The following CBLB variants were observed in gnomAD, a reference collection of about 807,000 sequenced individuals.
CBLB encodes Cbl proto-oncogene B.
CBLB carries 31 observed loss-of-function variants against 104.9 expected under a neutral mutation model. The ratio of observed to expected loss-of-function variants is 0.30; its 90% CI spans 0.22 to 0.40. CBLB has a LOEUF of 0.40. Ranked by LOEUF, CBLB falls within the 10% of genes least tolerant of loss-of-function variation. CBLB has a pLI of 1.00. For missense variants in CBLB, 1,062 were observed against 1,214.6 expected (o/e 0.87, Z 1.87); for synonymous variants, 440 against 422.6 (o/e 1.04, Z -0.51).
At chr3:105,856,214 G>A (rs1254620368) in intron 2 of CBLB, among the ~76,000 whole-genome samples, 4 of 152,010 alleles carry the variant, frequency 2.6e-5, no homozygotes, top group African/African-American at 7.2e-5. Context: ...GCTGGGTGTG[G>A]TGGCAGGTGC....
At position 105,656,478 on chromosome 3, in the gene CBLB, T is replaced by C. The variant is rs2063358551; in HGVS notation, c.*2492A>G. ...TTCTTGACAGTGTTTAATAGAAAGT[T>C]TTCCTCTTTTCATTCCATTACGTAT... On this transcript the variant is annotated 3_prime_UTR_variant, in exon 19 of 19. Coordinates refer to ENST00000394030, the MANE Select transcript of CBLB (RefSeq NM_170662.5). 1 of 191,548 alleles carries C rather than the reference T, an allele frequency of 5.2e-6. No homozygotes were observed. Among genetic ancestry groups the C allele is most frequent in the African/African-American group, 2.3e-5 (1 of 43,002 alleles). 11.9% of individuals were successfully genotyped at this position (191,548 alleles called of 1,614,324 possible). A position where few individuals can be genotyped will look rare whatever the true frequency, so the allele number is the denominator to read the frequency against.
chr3:105,737,474 T>C (rs2075074738), intron 7 of CBLB, among the ~76,000 whole-genome samples: 3 of 152,114 alleles, frequency 2.0e-5, no homozygotes, highest in South Asian at 2.1e-4. Flanking sequence ...ATAATGAATA[T>C]AGCCTAACCC....
chr3:105,796,975 A>T (rs2082318529), intron 3 of CBLB, among the ~76,000 whole-genome samples: 1 of 152,182 alleles, frequency 6.6e-6, no homozygotes, highest in South Asian at 2.1e-4. Context: ...GGGAACACTT[A>T]TACACTGCTG....
intron 2 of CBLB, among the ~76,000 whole-genome samples, chr3:105,859,378 G>A (rs184791346): frequency 2.0e-5 from 3 of 152,238 alleles, no homozygotes; most frequent in Admixed American, 1.3e-4. Context: ...TGGGCTAGGC[G>A]CGGTGGCTCA....
At chr3:105,761,659 A>G (rs2077644271) in intron 4 of CBLB, among the ~76,000 whole-genome samples, 1 of 152,138 alleles carries the variant, frequency 6.6e-6, no homozygotes. Context: ...CTTTTTCTTT[A>G]TAAATTACCC....
chr3:105,746,337 T>C (rs1055168262), intron 5 of CBLB, among the ~76,000 whole-genome samples: 2 of 152,206 alleles, frequency 1.3e-5, no homozygotes, highest in South Asian at 2.1e-4. Context: ...CTTGTGACCA[T>C]TGTAAAACAC....
At chr3:105,816,922 A>G (rs1008303179) in intron 3 of CBLB, among the ~76,000 whole-genome samples, 4 of 152,274 alleles carry the variant, frequency 2.6e-5, no homozygotes, top group African/African-American at 9.6e-5. Context: ...ATATATATAC[A>G]TCAGTATGCA....
chr3:105,708,163 C>T (rs955820845), intron 10 of CBLB, among the ~76,000 whole-genome samples: 2 of 152,012 alleles, frequency 1.3e-5, no homozygotes, highest in South Asian at 2.1e-4. Context: ...GTTCTAATCC[C>T]CAGCTCAAAT....
chr3:105,764,952 G>A (rs2078055778), intron 4 of CBLB, among the ~76,000 whole-genome samples: 1 of 152,206 alleles, frequency 6.6e-6, no homozygotes. Context: ...CTTCAATTCT[G>A]TGAAGGGTAA....
chr3:105,698,470 T>C (rs2068672737), intron 12 of CBLB, among the ~76,000 whole-genome samples: 2 of 152,072 alleles, frequency 1.3e-5, no homozygotes, highest in South Asian at 2.1e-4. Flanking sequence ...GTTCCACATG[T>C]ATAATTAGTT....
chr3:105,789,087 G>A (rs965426683), intron 3 of CBLB, among the ~76,000 whole-genome samples: 1 of 152,136 alleles, frequency 6.6e-6, no homozygotes. Flanking sequence ...AATAATAATT[G>A]CTGTTAAATC....
intron 8 of CBLB, among the ~76,000 whole-genome samples, chr3:105,735,676 C>A (rs904368370): frequency 6.6e-6 from 1 of 152,142 alleles, no homozygotes; most frequent in Non-Finnish European, 1.5e-5. Context: ...CATGGCCGGG[C>A]ATGGTGGCTC....
chr3:105,703,189 T>C (rs879416569), intron 11 of CBLB, among the ~76,000 whole-genome samples: 4 of 152,184 alleles, frequency 2.6e-5, no homozygotes, highest in Non-Finnish European at 5.9e-5. Context: ...ATTTGTAATT[T>C]TAATGTTAGA....
chr3:105,738,273 T>G (rs1397765604), intron 7 of CBLB, among the ~76,000 whole-genome samples: 1 of 152,146 alleles, frequency 6.6e-6, no homozygotes, highest in Non-Finnish European at 1.5e-5. Context: ...ACAAACATGT[T>G]AAGTGTTAGA....
At chr3:105,752,550 T>C (rs558517114) in intron 4 of CBLB, among the ~76,000 whole-genome samples, 1 of 152,342 alleles carries the variant, frequency 6.6e-6, no homozygotes, top group South Asian at 2.1e-4. Context: ...CCGTCCCTCT[T>C]ATAAGATAAC....
chr3:105,731,030 T>C (rs1056309691), intron 9 of CBLB, among the ~76,000 whole-genome samples: 1 of 152,170 alleles, frequency 6.6e-6, no homozygotes, highest in Non-Finnish European at 1.5e-5. Context: ...TTACTGAACA[T>C]ATCTTCATAT....
At chr3:105,841,201 C>T (rs2089485328) in intron 3 of CBLB, among the ~76,000 whole-genome samples, 1 of 148,734 alleles carries the variant, frequency 6.7e-6, no homozygotes, top group East Asian at 2.0e-4. Flanking sequence ...GAAGCTGAGG[C>T]AGAAGAATCG....
At chr3:105,854,154 A>G (rs936052714) in intron 2 of CBLB, among the ~76,000 whole-genome samples, 6 of 152,212 alleles carry the variant, frequency 3.9e-5, no homozygotes, top group Non-Finnish European at 7.3e-5. Flanking sequence ...TGCAATTTGA[A>G]TAACTGAGTT....
chr3:105,699,613 A>G (rs2068819014), intron 12 of CBLB, among the ~76,000 whole-genome samples: 1 of 152,140 alleles, frequency 6.6e-6, no homozygotes, highest in South Asian at 2.1e-4. Context: ...GTTGAAGCCA[A>G]CCTCTTAAGT....
Sources: allele counts gnomAD v4.1 joint callset (sites outside exome capture counted in the v4.1 genomes callset), GRCh38; gene constraint gnomAD v4.1.1; transcripts MANE v1.5; gene names NCBI Gene and HGNC (gene_info 2026-07-23, HGNC 2026-07-21).